The following CNTN3 variants were observed in gnomAD, a reference collection of about 807,000 sequenced individuals.
CNTN3 encodes the protein contactin 3.
Under a neutral mutation model 119.1 loss-of-function variants are expected in CNTN3, and 60 were observed. The ratio of observed to expected loss-of-function variants is 0.50; its 90% confidence interval spans 0.41 to 0.62. CNTN3 has a LOEUF of 0.62. Ranked by LOEUF, CNTN3 falls within the 20% of genes least tolerant of loss-of-function variation. CNTN3 has a pLI of 0.00. For missense variants in CNTN3, 1,101 were observed against 1,242.4 expected, an observed-to-expected ratio of 0.89 and a Z score of 1.71; for synonymous variants, 450 against 438.7, an observed-to-expected ratio of 1.03 and a Z score of -0.32.
intron 19 of CNTN3, among the ~76,000 whole-genome samples, chr3:74,285,829 A>G (rs1433701468): frequency 7.3e-6 from 1 of 137,366 alleles, no homozygotes; most frequent in Non-Finnish European, 1.6e-5. Flanking sequence ...ATATATATAT[A>G]TATATATATA....
chr3:74,523,296 T>TATAG (rs1209521022), intron 1 of CNTN3, among the ~76,000 whole-genome samples: 2 of 151,782 alleles, frequency 1.3e-5, no homozygotes, highest in Non-Finnish European at 2.9e-5. Context: ...TGCATACACA[T>TATAG]ATAGATAGAT....
intron 5 of CNTN3, among the ~76,000 whole-genome samples, chr3:74,422,883 A>G (rs577428789): frequency 6.6e-6 from 1 of 152,106 alleles, no homozygotes; most frequent in South Asian, 2.1e-4. Context: ...CTTCTTTCTC[A>G]TTCCAGTGCT....
chr3:74,586,471 A>G (rs912248785), intron 1 of CNTN3, among the ~76,000 whole-genome samples: 2 of 152,132 alleles, frequency 1.3e-5, no homozygotes, highest in Non-Finnish European at 2.9e-5. Flanking sequence ...AATTTAAGGC[A>G]AAATTTATTA....
At chr3:74,397,526 CT>C (rs1370138164) in intron 5 of CNTN3, among the ~76,000 whole-genome samples, 2 of 151,832 alleles carry the variant, frequency 1.3e-5, no homozygotes, top group Non-Finnish European at 2.9e-5. Context: ...CTCTCTCTCT[CT>C]CTCTCTCTGT....
chr3:74,283,239 T>C (rs965707354), intron 20 of CNTN3, among the ~76,000 whole-genome samples: 2 of 152,176 alleles, frequency 1.3e-5, no homozygotes, highest in African/African-American at 4.8e-5. Context: ...TACCATTATA[T>C]AACCTCCATA....
At chr3:74,609,144 T>C (rs1013816637) in intron 1 of CNTN3, among the ~76,000 whole-genome samples, 1 of 152,086 alleles carries the variant, frequency 6.6e-6, no homozygotes, top group Non-Finnish European at 1.5e-5. Context: ...TCAAGGAAGT[T>C]TGAAAAGACC....
intron 1 of CNTN3, among the ~76,000 whole-genome samples, chr3:74,598,536 T>C (rs1704850526): frequency 6.6e-6 from 1 of 152,108 alleles, no homozygotes; most frequent in Non-Finnish European, 1.5e-5. Flanking sequence ...CGCAGCTCAC[T>C]GAAGTCTTGA....
chr3:74,550,995 T>C (rs1459467498), intron 1 of CNTN3, among the ~76,000 whole-genome samples: 1 of 152,050 alleles, frequency 6.6e-6, no homozygotes, highest in African/African-American at 2.4e-5. Context: ...CAATGTCGAG[T>C]CCCCAATACG....
intron 20 of CNTN3, among the ~76,000 whole-genome samples, chr3:74,270,632 A>G (rs1475246660): frequency 1.3e-5 from 2 of 152,208 alleles, no homozygotes; most frequent in African/African-American, 2.4e-5. Flanking sequence ...GGAGTCAAGT[A>G]GTGAATTAGG....
chr3:74,397,321 A>G (rs747859889), intron 5 of CNTN3, among the ~76,000 whole-genome samples: 1 of 152,194 alleles, frequency 6.6e-6, no homozygotes, highest in Non-Finnish European at 1.5e-5. Context: ...CTGTTCACTA[A>G]TGATGCACCC....
At chr3:74,327,700 T>C (rs911739182) in intron 13 of CNTN3, among the ~76,000 whole-genome samples, 2 of 152,124 alleles carry the variant, frequency 1.3e-5, no homozygotes, top group Non-Finnish European at 2.9e-5. Flanking sequence ...AAAATCCTTA[T>C]TATTGGTGGA....
intron 1 of CNTN3, among the ~76,000 whole-genome samples, chr3:74,536,944 G>A (rs139948099): frequency 3.3e-5 from 5 of 151,832 alleles, no homozygotes; most frequent in Non-Finnish European, 5.9e-5. Flanking sequence ...AAAGAGGGAC[G>A]GCTACTTCTC....
At chr3:74,495,274 A>G (rs933857338) in intron 3 of CNTN3, among the ~76,000 whole-genome samples, 5 of 152,110 alleles carry the variant, frequency 3.3e-5, no homozygotes, top group Admixed American at 3.3e-4. Context: ...CTTGACACAT[A>G]AAAGTAAAAT....
At position 74,295,938 on chromosome 3, in the gene CNTN3, C is replaced by T. The variant is rs146880344; in HGVS notation, c.2402-702G>A. Among the ~76,000 whole-genome samples the T allele has an allele frequency of 4.1e-3, 622 of 152,190 alleles. 18 individuals carry two copies. The highest frequency in any genetic ancestry group is 0.037 in the Admixed American group (559 of 15,282). On this transcript the variant is annotated intron_variant, in intron 18 of 22. Transcript: ENST00000263665. ...ATCTTGCTTGATGCTAAGACGAATTCCTGGTCTAAGGCTGGGCCCCTTAGA... is the reference window on the plus strand; with the variant it reads ...ATCTTGCTTGATGCTAAGACGAATTTCTGGTCTAAGGCTGGGCCCCTTAGA...
intron 1 of CNTN3, among the ~76,000 whole-genome samples, chr3:74,551,903 A>G (rs1040328132): frequency 1.3e-5 from 2 of 151,084 alleles, no homozygotes; most frequent in African/African-American, 4.9e-5. Context: ...AGCTGGGATT[A>G]CAGGCACATG....
chr3:74,332,986 T>C (rs1289748733), intron 13 of CNTN3, among the ~76,000 whole-genome samples: 1 of 152,214 alleles, frequency 6.6e-6, no homozygotes, highest in African/African-American at 2.4e-5. Context: ...GCTCAGAATA[T>C]GGCCTATGCC....
At chr3:74,557,574 C>A (rs1012346952) in intron 1 of CNTN3, among the ~76,000 whole-genome samples, 7 of 152,046 alleles carry the variant, frequency 4.6e-5, no homozygotes, top group Admixed American at 1.3e-4. Flanking sequence ...TGGGAAATTT[C>A]TTTTTTCTAT....
chr3:74,509,346 C>G (rs139385602), intron 2 of CNTN3, among the ~76,000 whole-genome samples: 1 of 144,436 alleles, frequency 6.9e-6, no homozygotes, highest in Non-Finnish European at 1.5e-5. Flanking sequence ...TGGGGTCTCG[C>G]TCTGTTGCCC....
intron 1 of CNTN3, among the ~76,000 whole-genome samples, chr3:74,552,469 C>T (rs1293366052): frequency 6.6e-6 from 1 of 152,150 alleles, no homozygotes; most frequent in Non-Finnish European, 1.5e-5. Context: ...TCTGTGTGAC[C>T]TGTGTTTTGG....
Sources: allele counts gnomAD v4.1 joint callset (sites outside exome capture counted in the v4.1 genomes callset), GRCh38; gene constraint gnomAD v4.1.1; transcripts MANE v1.5; gene names NCBI Gene and HGNC (gene_info 2026-07-23, HGNC 2026-07-21).